The following CCDC88A variants were observed in gnomAD, a reference collection of about 807,000 sequenced individuals.
CCDC88A encodes the protein coiled-coil and HOOK domain protein 88A.
In CCDC88A, 54 loss-of-function variants were observed where a neutral mutation model predicts 234.3. The ratio of observed to expected loss-of-function variants is 0.23; its 90% CI spans 0.19 to 0.29. The LOEUF is 0.29. Ranked by LOEUF, CCDC88A falls within the 10% of genes least tolerant of loss-of-function variation. The pLI is 1.00. For missense variants in CCDC88A, 1,832 were observed against 2,123.4 expected (o/e 0.86, Z 2.70); for synonymous variants, 753 against 737.8 (o/e 1.02, Z -0.33).
At chr2:55,298,931 GGCTCACACCTGTAAT>G (rs1558625480) in intron 29 of CCDC88A, among the ~76,000 whole-genome samples, 1 of 151,298 alleles carries the variant, frequency 6.6e-6, no homozygotes, top group East Asian at 1.9e-4. Context: ...CGGGCAAGGT[GGCTCACACCTGTAAT>G]CCCAGCACTT....
intron 9 of CCDC88A, among the ~76,000 whole-genome samples, chr2:55,347,626 T>G (rs1669326071): frequency 1.4e-5 from 2 of 141,164 alleles, no homozygotes; most frequent in African/African-American, 2.9e-5. Flanking sequence ...TTTTTTTTTT[T>G]GAGACAGAGT....
Position 55,339,548 on chromosome 2 carries a change from C to A in CCDC88A, c.1434G>T (p.Glu478Asp). The A allele has an allele frequency of 6.2e-7, 1 of 1,613,858 alleles. No individual in the cohort carries two copies. ...ENQSLTKTVE[E>D]LRTTVDSVEG... ...CTACAGAATCCACAGTAGTCCGAAGCTCTTCTACGGTTTTTGTCAAACTTT... is the reference window on the plus strand; with the variant it reads ...CTACAGAATCCACAGTAGTCCGAAGATCTTCTACGGTTTTTGTCAAACTTT... The change falls in exon 13 of 33, where the codon GAG (glutamate) becomes GAT (aspartate). Residue 478 changes from glutamate to aspartate, a missense_variant. Physicochemically the swap from Glu to Asp is conservative, Grantham distance 45 (BLOSUM62 2). Coordinates refer to ENST00000436346, the MANE Select transcript of CCDC88A (RefSeq NM_001365480.1).
chr2:55,358,087 T>C (rs1406463758), intron 7 of CCDC88A, among the ~76,000 whole-genome samples: 1 of 152,184 alleles, frequency 6.6e-6, no homozygotes, highest in East Asian at 1.9e-4. Flanking sequence ...CCTGGAATTA[T>C]AATTAAGCCC....
chr2:55,360,024 C>T (rs1357917173), intron 7 of CCDC88A, among the ~76,000 whole-genome samples: 1 of 152,046 alleles, frequency 6.6e-6, no homozygotes, highest in African/African-American at 2.4e-5. Flanking sequence ...CTACTTGGGG[C>T]TCAAGTATCT....
At chr2:55,291,859 G>A (rs1324667789) in intron 31 of CCDC88A, 84 bp from the exon 32 acceptor site, 1 of 990,766 alleles carries the variant, frequency 1.0e-6, no homozygotes, top group South Asian at 1.4e-5. Context: ...CTCTCACTGA[G>A]TAGGGCAAGG....
intron 2 of CCDC88A, among the ~76,000 whole-genome samples, chr2:55,392,982 C>A (rs13427531): frequency 6.6e-6 from 1 of 151,874 alleles, no homozygotes; most frequent in Non-Finnish European, 1.5e-5. Flanking sequence ...TGTTTTTTTT[C>A]TATACCGTCT....
At chr2:55,325,344 A>G (rs1333856122) in intron 17 of CCDC88A, among the ~76,000 whole-genome samples, 1 of 152,294 alleles carries the variant, frequency 6.6e-6, no homozygotes, top group East Asian at 1.9e-4. Flanking sequence ...TTTCATTGCT[A>G]ATGTAGAGAA....
At chr2:55,418,615 C>T in intron 2 of CCDC88A, 1 of 574,528 alleles carries the variant, frequency 1.7e-6, no homozygotes, top group Non-Finnish European at 3.1e-6. Flanking sequence ...TAAAGTTTCA[C>T]AATTTTAACA....
chr2:55,360,130 G>A (rs747685935), intron 7 of CCDC88A, among the ~76,000 whole-genome samples: 7 of 152,116 alleles, frequency 4.6e-5, no homozygotes, highest in Non-Finnish European at 1.0e-4. Flanking sequence ...ATAATAAAGA[G>A]ATCTTAAATT....
intron 4 of CCDC88A, 58 bp downstream of exon 4, chr2:55,374,756 C>A (rs868028369): frequency 8.7e-6 from 9 of 1,032,254 alleles, no homozygotes; most frequent in Middle Eastern, 2.2e-4. Context: ...AAAAAATAAA[C>A]ATCATAGTAT....
In CCDC88A at chr2:55,289,556, C is replaced by A. The variant is rs1679298805; in HGVS notation, c.*1644G>T. On this transcript the variant is annotated 3_prime_UTR_variant, in exon 33 of 33. Transcript: ENST00000436346. ...CCTTTGTATTTCCATTTACATAGCACCTTTCATCCAAGATTTTCAAAATGA... is the reference window on the plus strand; with the variant it reads ...CCTTTGTATTTCCATTTACATAGCAACTTTCATCCAAGATTTTCAAAATGA... The A allele has an allele frequency of 6.6e-6, 1 of 152,104 alleles. No individual in the cohort carries two copies. Among genetic ancestry groups the A allele is most frequent in the African/African-American group, 2.4e-5 (1 of 41,406 alleles). The allele number at this position is 152,104 out of a possible 1,614,324, so 9.4% of individuals were successfully genotyped here.
intron 3 of CCDC88A, among the ~76,000 whole-genome samples, chr2:55,378,436 T>A (rs187107655): frequency 9.1e-4 from 138 of 152,334 alleles, no homozygotes; most frequent in African/African-American, 3.1e-3. Flanking sequence ...TGTATTTGGG[T>A]AGAATGAAGT....
At chr2:55,327,911 C>G (rs1574124641) in intron 17 of CCDC88A, among the ~76,000 whole-genome samples, 1 of 152,322 alleles carries the variant, frequency 6.6e-6, no homozygotes, top group East Asian at 1.9e-4. Context: ...TTTCCTCTAA[C>G]TTGGTATACT....
intron 18 of CCDC88A, among the ~76,000 whole-genome samples, chr2:55,320,597 T>C (rs2104636327): frequency 6.6e-6 from 1 of 152,276 alleles, no homozygotes; most frequent in Non-Finnish European, 1.5e-5. Flanking sequence ...AAAATGTAAT[T>C]ATGAATCCAA....
intron 17 of CCDC88A, among the ~76,000 whole-genome samples, chr2:55,327,451 G>A (rs909521653): frequency 5.9e-5 from 9 of 152,120 alleles, no homozygotes; most frequent in African/African-American, 1.7e-4. Flanking sequence ...GAAAGCTCCC[G>A]CACACACCCA....
chr2:55,363,309 T>C (rs1170180522), intron 6 of CCDC88A, among the ~76,000 whole-genome samples: 1 of 151,928 alleles, frequency 6.6e-6, no homozygotes, highest in Non-Finnish European at 1.5e-5. Context: ...ATTTTCACTA[T>C]AAAAAATTTT....
Position 55,336,778 on chromosome 2 carries a change from C to T in CCDC88A, c.1559G>A (p.Ser520Asn), listed in dbSNP as rs1685505091. 6.3e-7 allele frequency: 1 copy of T among 1,585,192 alleles called. No individual in the cohort carries two copies. Among genetic ancestry groups the T allele is most frequent in the Non-Finnish European group, 8.6e-7 (1 of 1,160,474 alleles). The change falls in exon 14 of 33, where the codon AGT becomes AAT. Residue 520 changes from serine (S) to asparagine (N), a missense_variant. Around this residue, in one of 6 missense-constraint regions of CCDC88A, gnomAD observed 1,282 missense variants for 1,543.6 expected, o/e 0.83. Coordinates refer to ENST00000436346, the MANE Select transcript of CCDC88A (RefSeq NM_001365480.1). Reference protein sequence around the residue: ...LENEIVQEKQSLQNCQNLSKD... With the variant: ...LENEIVQEKQNLQNCQNLSKD... Reference sequence around the variant, plus strand: ...GCTTAAATTCTGACAATTCTGAAGACTTTGCTTTTCTTGAACAATCTCATT... The same window carrying T: ...GCTTAAATTCTGACAATTCTGAAGATTTTGCTTTTCTTGAACAATCTCATT...
At chr2:55,410,803 G>A (rs1399375886) in intron 2 of CCDC88A, among the ~76,000 whole-genome samples, 2 of 151,998 alleles carry the variant, frequency 1.3e-5, no homozygotes, top group Non-Finnish European at 2.9e-5. Context: ...TGAGGTGAGA[G>A]GATCGTTTGA....
chr2:55,340,828 C>T (rs1668379553), intron 12 of CCDC88A, among the ~76,000 whole-genome samples: 1 of 152,040 alleles, frequency 6.6e-6, no homozygotes, highest in South Asian at 2.1e-4. Context: ...ATATTATTCC[C>T]TAAGAGTAGC....
Sources: allele counts gnomAD v4.1 joint callset (sites outside exome capture counted in the v4.1 genomes callset), GRCh38; gene constraint gnomAD v4.1.1; regional missense constraint gnomAD v4.1.1; transcripts MANE v1.5; gene names NCBI Gene and HGNC (gene_info 2026-07-23, HGNC 2026-07-21).